The following TMPRSS15 variants were observed in gnomAD, a reference collection of about 807,000 sequenced individuals.
TMPRSS15 encodes enteropeptidase.
A neutral mutation model predicts 125.3 loss-of-function variants in TMPRSS15; 128 were observed. That is an observed-to-expected ratio of 1.02 (90% CI 0.89 to 1.18). TMPRSS15 has a LOEUF of 1.18. TMPRSS15 is among the 50% of genes most tolerant of loss of function. The pLI is 0.00. For missense variants in TMPRSS15, 1,283 were observed against 1,212.7 expected (o/e 1.06, Z -0.86); for synonymous variants, 446 against 423.2 (o/e 1.05, Z -0.66).
At chr21:18,277,945 A>G (rs1043865414) in intron 23 of TMPRSS15, among the ~76,000 whole-genome samples, 2 of 152,216 alleles carry the variant, frequency 1.3e-5, no homozygotes, top group African/African-American at 4.8e-5. Context: ...ATGAAGTACG[A>G]GAATACTTTT....
At chr21:18,306,347 G>A (rs146626954) in intron 18 of TMPRSS15, among the ~76,000 whole-genome samples, 13 of 152,242 alleles carry the variant, frequency 8.5e-5, no homozygotes, top group East Asian at 1.9e-4. Context: ...AATTCATTGC[G>A]GTGGTTACAT....
At chr21:18,469,566 T>C (rs1194842281) in intron 1 of TMPRSS15, among the ~76,000 whole-genome samples, 1 of 152,150 alleles carries the variant, frequency 6.6e-6, no homozygotes, top group Non-Finnish European at 1.5e-5. Context: ...GCTCCTCATA[T>C]AAGCTATTAT....
At chr21:18,305,466 G>A (rs1204752591) in intron 18 of TMPRSS15, among the ~76,000 whole-genome samples, 1 of 152,152 alleles carries the variant, frequency 6.6e-6, no homozygotes, top group Non-Finnish European at 1.5e-5. Context: ...GGGATTACAG[G>A]CGTGAGCCAC....
intron 1 of TMPRSS15, among the ~76,000 whole-genome samples, chr21:18,448,307 A>G (rs1239890912): frequency 6.6e-6 from 1 of 152,286 alleles, no homozygotes; most frequent in African/African-American, 2.4e-5. Context: ...AATCAATACA[A>G]TTTACTAAAG....
intron 3 of TMPRSS15, among the ~76,000 whole-genome samples, chr21:18,388,509 A>G (rs2075964800): frequency 6.6e-6 from 1 of 152,190 alleles, no homozygotes; most frequent in African/African-American, 2.4e-5. Flanking sequence ...GTAAACATAA[A>G]GGGTTCCATT....
rs574027069 is a variant in TMPRSS15 at position 18,436,543 on chromosome 21, A to C, written c.11-38214T>G. Reference sequence around the variant, plus strand: ...CATGATTGTATATCTAGAAAACCCCATTGTCTCAGCCCAAAATCTCCTTAA... The same window carrying C: ...CATGATTGTATATCTAGAAAACCCCCTTGTCTCAGCCCAAAATCTCCTTAA... On this transcript the variant is annotated intron_variant, in intron 1 of 7. Coordinates refer to the TMPRSS15 transcript ENST00000422787. Among the ~76,000 whole-genome samples, 292 of 151,848 alleles carry C rather than the reference A, an allele frequency of 1.9e-3. 2 individuals carry two copies. Among genetic ancestry groups the C allele is most frequent in the Non-Finnish European group, 3.4e-3 (232 of 67,930 alleles).
At chr21:18,406,868 T>C (rs149852233), upstream of TMPRSS15, among the ~76,000 whole-genome samples, 193 of 152,210 alleles carry the variant, frequency 1.3e-3, 1 homozygote, top group African/African-American at 4.3e-3. Flanking sequence ...CCCTACAAAA[T>C]ATAGGGAAAA....
chr21:18,456,824 C>G (rs1232901809), intron 1 of TMPRSS15, among the ~76,000 whole-genome samples: 1 of 152,058 alleles, frequency 6.6e-6, no homozygotes, highest in African/African-American at 2.4e-5. Flanking sequence ...AAATTTATAT[C>G]TTCCTTTTAC....
intron 3 of TMPRSS15, among the ~76,000 whole-genome samples, chr21:18,385,874 G>C (rs995919387): frequency 2.0e-5 from 3 of 152,012 alleles, no homozygotes; most frequent in African/African-American, 7.2e-5. Flanking sequence ...CTCCTGAGTA[G>C]CTGGGACTAC....
chr21:18,353,746 G>A lies in TMPRSS15; in HGVS notation c.998C>T (p.Ala333Val), dbSNP rs559957109. Residue 333 changes from alanine (A) to valine (V), a missense_variant, in exon 9 of 25, where the codon GCA becomes GTA. Transcript: ENST00000284885. ...ACTATTAAGCTCACTGCTGTTAAAT[G>A]CAGTATATGTTGCATTAAAGCCAAC... ...DYVGFNATYT[A>V]FNSSELNNYE... 3.0e-4 allele frequency: 483 copies of A among 1,611,138 alleles called. 4 individuals are homozygous for A. The South Asian group carries it at 5.1e-3, about 17-fold the overall frequency.
At chr21:18,466,644 A>G (rs1459115748) in intron 1 of TMPRSS15, among the ~76,000 whole-genome samples, 1 of 152,230 alleles carries the variant, frequency 6.6e-6, no homozygotes, top group Non-Finnish European at 1.5e-5. Context: ...TATGTGGCTC[A>G]CAAACATATG....
chr21:18,327,923 G>A (rs757406256), intron 15 of TMPRSS15, among the ~76,000 whole-genome samples: 1 of 151,956 alleles, frequency 6.6e-6, no homozygotes, highest in Non-Finnish European at 1.5e-5. Flanking sequence ...CGAGGTGGTG[G>A]GCGCCTGTAA....
chr21:18,375,223 A>G (rs1316302462), intron 5 of TMPRSS15, among the ~76,000 whole-genome samples: 1 of 152,128 alleles, frequency 6.6e-6, no homozygotes, highest in African/African-American at 2.4e-5. Flanking sequence ...AATTTTTGTC[A>G]AATTGTATTT....
chr21:18,377,171 C>CA (rs765049268), intron 5 of TMPRSS15, among the ~76,000 whole-genome samples: 6 of 152,094 alleles, frequency 3.9e-5, no homozygotes, highest in Non-Finnish European at 7.4e-5. Context: ...GATATTTCAC[C>CA]ACCTACTTAC....
chr21:18,428,259 C>T (rs1032501360), intron 1 of TMPRSS15, among the ~76,000 whole-genome samples: 3 of 152,108 alleles, frequency 2.0e-5, no homozygotes, highest in African/African-American at 4.8e-5. Context: ...GACTTGGGTG[C>T]GTTAAAGGTA....
At chr21:18,440,546 A>C (rs991589064) in intron 1 of TMPRSS15, among the ~76,000 whole-genome samples, 1 of 152,096 alleles carries the variant, frequency 6.6e-6, no homozygotes, top group Admixed American at 6.5e-5. Context: ...TGTGATGATC[A>C]GGATGAATTG....
At chr21:18,287,936 A>C (rs987442033) in intron 21 of TMPRSS15, among the ~76,000 whole-genome samples, 1 of 152,198 alleles carries the variant, frequency 6.6e-6, no homozygotes, top group African/African-American at 2.4e-5. Flanking sequence ...TATTTATCAG[A>C]GAACTAAGAA....
intron 3 of TMPRSS15, among the ~76,000 whole-genome samples, chr21:18,387,391 G>T (rs915237092): frequency 2.0e-5 from 3 of 152,122 alleles, no homozygotes; most frequent in African/African-American, 7.2e-5. Context: ...TAGGGCTGCT[G>T]AGTAAACAAG....
Position 18,397,943 on chromosome 21 carries a change from C to A in TMPRSS15, c.280G>T (p.Asp94Tyr). The change falls in exon 3 of 25, where the codon GAT (aspartate) becomes TAT (tyrosine). Residue 94 changes from aspartate (D) to tyrosine (Y), a missense_variant. Coordinates refer to ENST00000284885, the MANE Select transcript of TMPRSS15 (RefSeq NM_002772.3). ...VLAFDLQQMI[D>Y]EIFLSSNLKN... Reference sequence around the variant, plus strand: ...AGATTGCTTGATAGAAAGATCTCATCTATCTAGAAAAATATAAAAGATTGA... The same window carrying A: ...AGATTGCTTGATAGAAAGATCTCATATATCTAGAAAAATATAAAAGATTGA... 1 of 1,504,102 alleles carries A rather than the reference C, an allele frequency of 6.6e-7. No individual in the cohort carries two copies. The highest frequency in any genetic ancestry group is 1.2e-5 in the South Asian group (1 of 83,188). The allele number at this position is 1,504,102 out of a possible 1,614,324, so 93.2% of individuals were successfully genotyped here.
Sources: gnomAD v4.1 joint callset for allele counts (sites outside exome capture counted in the v4.1 genomes callset) on GRCh38, gnomAD v4.1.1 for gene constraint, MANE v1.5 for transcripts, NCBI Gene and HGNC (gene_info 2026-07-23, HGNC 2026-07-21) for gene names.